Variants in SLC17A9 observed in about 807,000 individuals in gnomAD.
SLC17A9 encodes voltage-gated purine nucleotide uniporter SLC17A9.
SLC17A9 carries 49 observed loss-of-function variants against 55.0 expected under a neutral mutation model. The observed-to-expected ratio is 0.89, with a 90% CI of 0.71 to 1.13. The LOEUF (loss-of-function observed/expected upper bound fraction) is 1.13, where lower values mean the gene tolerates loss of function less well. SLC17A9 is among the 50% of genes most tolerant of loss of function. SLC17A9 has a pLI of 0.00. For synonymous variants in SLC17A9, 256 were observed against 247.4 expected (o/e 1.03, Z -0.32); for missense variants, 526 against 569.3 (o/e 0.92, Z 0.77).
chr20:62,954,023 TCCGC>T (rs2065513761), intron 1 of SLC17A9, among the ~76,000 whole-genome samples: 2 of 151,696 alleles, frequency 1.3e-5, no homozygotes, highest in African/African-American at 4.8e-5. Context: ...TTTGAGTGGC[TCCGC>T]CTTCACTACG....
intron 7 of SLC17A9, chr20:62,963,889 G>C: frequency 1.7e-6 from 1 of 601,808 alleles, no homozygotes; most frequent in East Asian, 2.8e-5. Context: ...GAAATGATGC[G>C]GGCGCTCGGT....
Position 62,952,809 on chromosome 20 carries a change from CCGT to C in SLC17A9, c.-20_-18del. On this transcript the variant is annotated 5_prime_UTR_variant, in exon 1 of 13. Coordinates refer to ENST00000370351, the MANE Select transcript of SLC17A9 (RefSeq NM_022082.4). ...GCCCCGGGACACAGCTGTGCCCACG[CCGT>C]CTGAGCACCCCAAGCCCGATGCAGC... The C allele has an allele frequency of 6.5e-7, 1 of 1,534,308 alleles. No individual in the cohort carries two copies. Among genetic ancestry groups the C allele is most frequent in the Non-Finnish European group, 8.7e-7 (1 of 1,145,024 alleles).
At position 62,967,641 on chromosome 20, in the gene SLC17A9, TAAG is replaced by T. The variant is rs952553373; in HGVS notation, c.*146_*148del. The T allele has an allele frequency of 3.9e-4, 129 of 334,562 alleles. No individual in the cohort carries two copies. Among genetic ancestry groups the T allele is most frequent in the African/African-American group, 3.0e-3 (122 of 40,504 alleles). 20.7% of individuals were successfully genotyped at this position (334,562 alleles called of 1,614,324 possible). A position where few individuals can be genotyped will look rare whatever the true frequency, so the allele number is the denominator to read the frequency against. On this transcript the variant is annotated 3_prime_UTR_variant, in exon 13 of 13. Coordinates refer to ENST00000370351, the MANE Select transcript of SLC17A9 (RefSeq NM_022082.4). ...AACCACTGTGGAGCCTGAAGCTCCT[TAAG>T]AAGAGTCCACAACAGCTGGTGGGAG...
Position 62,962,597 on chromosome 20 carries a change from C to A in SLC17A9, c.498-27C>A. 1 of 1,612,248 alleles carries A rather than the reference C, an allele frequency of 6.2e-7. No individual in the cohort carries two copies. On this transcript the variant is annotated intron_variant, in intron 4 of 12. Coordinates refer to ENST00000370351, the MANE Select transcript of SLC17A9 (RefSeq NM_022082.4). The surrounding 1 kb of genome is among the most constrained non-coding windows in gnomAD (Gnocchi z 5.5). ...CACCCGAGGGGTGCCGCTGAGGGGC[C>A]TGGCCACACTCCCCCTGTCTTTGCA...
chr20:62,964,680 C>T (rs2065619296), intron 8 of SLC17A9, among the ~76,000 whole-genome samples: 1 of 152,260 alleles, frequency 6.6e-6, no homozygotes, highest in South Asian at 2.1e-4. Flanking sequence ...GTGTTTCTTC[C>T]CCTAGTGCAG....
Position 62,966,570 on chromosome 20 carries a change from C to A in SLC17A9, c.1107C>A (p.Gly369=). Residue 369 remains glycine, a synonymous_variant, in exon 11 of 13, where the codon GGC becomes GGA. Transcript: ENST00000370351. ...NIQDLAPSCA[G]FLFGVANTAG... The stretch of plus-strand genomic sequence containing the variant: ...AGGACTTGGCCCCGTCCTGCGCCGG[C>A]TTTCTGTTTGGTGAGGACCTTGCCT... 1 of 1,600,144 alleles carries A rather than the reference C, an allele frequency of 6.2e-7. No homozygotes were observed. Among genetic ancestry groups the A allele is most frequent in the South Asian group, 1.1e-5 (1 of 90,190 alleles).
chr20:62,956,922 T>C lies in SLC17A9; in HGVS notation c.217T>C (p.Tyr73His), dbSNP rs1329434558. ...CGTGCTCAGCAGCTTCTTCTGGGGC[T>C]ACTGCCTGACACAGGTTGTGGGCGG... ...GIVLSSFFWG[Y>H]CLTQVVGGHL... Residue 73 changes from tyrosine (Y) to histidine (H), a missense_variant, in exon 2 of 13, where the codon TAC becomes CAC. Physicochemically the swap from Tyr to His is moderately conservative, Grantham distance 83. Coordinates refer to ENST00000370351, the MANE Select transcript of SLC17A9 (RefSeq NM_022082.4). 1 of 1,613,488 alleles carries C rather than the reference T, an allele frequency of 6.2e-7. No individual in the cohort carries two copies. The highest frequency in any genetic ancestry group is 1.1e-5 in the South Asian group (1 of 91,092).
intron 9 of SLC17A9, 58 bp from the exon 10 acceptor site, chr20:62,965,552 G>A: frequency 6.6e-7 from 1 of 1,516,240 alleles, no homozygotes; most frequent in East Asian, 2.3e-5. Context: ...TGAGTCAGGA[G>A]AGGGCCCTGC....
intron 4 of SLC17A9, among the ~76,000 whole-genome samples, 159 bp downstream of exon 4, chr20:62,960,762 G>A (rs1479963074): frequency 6.6e-6 from 1 of 152,270 alleles, no homozygotes; most frequent in South Asian, 2.1e-4. Context: ...GCCCGAGGCT[G>A]TGCTCTGCAG....
chr20:62,962,919 C>A lies in SLC17A9; in HGVS notation c.628+165C>A, dbSNP rs895020878. On this transcript the variant is annotated intron_variant, in intron 5 of 12. Coordinates refer to ENST00000370351, the MANE Select transcript of SLC17A9 (RefSeq NM_022082.4). This position sits in a 1 kb window ranked among gnomAD's most constrained non-coding sequence, Gnocchi z 5.5. ...AAGCGCTCGGGTGCTGAGCTGTCAGCGGCTCCGCCACCCAATTCGATCTGG... is the reference window on the plus strand; with the variant it reads ...AAGCGCTCGGGTGCTGAGCTGTCAGAGGCTCCGCCACCCAATTCGATCTGG... The A allele has an allele frequency of 1.4e-5, 14 of 992,344 alleles. No individual in the cohort carries two copies. The highest frequency in any genetic ancestry group is 2.0e-5 in the Non-Finnish European group (14 of 686,994). 61.5% of individuals were successfully genotyped at this position (992,344 alleles called of 1,614,324 possible).
chr20:62,956,200 G>T (rs1005444198), intron 1 of SLC17A9, among the ~76,000 whole-genome samples: 3 of 152,228 alleles, frequency 2.0e-5, no homozygotes, highest in African/African-American at 7.2e-5. Flanking sequence ...GCCCGACTTG[G>T]TGGTCTTTTC....
chr20:62,965,223 C>T, intron 9 of SLC17A9, 57 bp downstream of exon 9: 1 of 1,610,592 alleles, frequency 6.2e-7, no homozygotes, highest in East Asian at 2.2e-5. Context: ...TCAGGGTCTC[C>T]CAGGAACTCA....
chr20:62,967,607 A>G lies in SLC17A9; in HGVS notation c.*107A>G. The stretch of plus-strand genomic sequence containing the variant: ...CTCCATGTCAGACACACGAGCAGAG[A>G]GGAACACAAACCACTGTGGAGCCTG... On this transcript the variant is annotated 3_prime_UTR_variant, in exon 13 of 13. Coordinates refer to ENST00000370351, the MANE Select transcript of SLC17A9 (RefSeq NM_022082.4). 1 of 1,071,050 alleles carries G rather than the reference A, an allele frequency of 9.3e-7. No individual in the cohort carries two copies. Among genetic ancestry groups the G allele is most frequent in the Non-Finnish European group, 1.2e-6 (1 of 811,640 alleles). The allele number at this position is 1,071,050 out of a possible 1,614,324, so 66.3% of individuals were successfully genotyped here.
At chr20:62,961,723 CG>C (rs145316127) in intron 4 of SLC17A9, among the ~76,000 whole-genome samples, 3,757 of 152,250 alleles carry the variant, frequency 0.025, 151 homozygotes, top group African/African-American at 0.086. Flanking sequence ...TCACATAAAC[CG>C]GAGGGGATAT....
Position 62,962,507 on chromosome 20 carries a change from T to C in SLC17A9, c.498-117T>C, listed in dbSNP as rs766525446. ...TTCTGAGCTGCTCCTCTGGAGGCGA[T>C]GAAAACACCCTCTTCTCCAGGGGCT... On this transcript the variant is annotated intron_variant, in intron 4 of 12. Transcript: ENST00000370351. The surrounding 1 kb of genome is among the most constrained non-coding windows in gnomAD (Gnocchi z 5.5). 7.6e-5 allele frequency: 105 copies of C among 1,376,626 alleles called. No individual in the cohort carries two copies. The highest frequency in any genetic ancestry group is 9.7e-5 in the Non-Finnish European group (99 of 1,024,398). The allele number at this position is 1,376,626 out of a possible 1,614,324, so 85.3% of individuals were successfully genotyped here.
chr20:62,955,592 A>G (rs1254347618), intron 1 of SLC17A9, among the ~76,000 whole-genome samples: 1 of 152,126 alleles, frequency 6.6e-6, no homozygotes, highest in African/African-American at 2.4e-5. Context: ...GATTACAGGC[A>G]TAAGCCACCG....
intron 5 of SLC17A9, chr20:62,963,016 G>A: frequency 1.6e-6 from 1 of 638,966 alleles, no homozygotes; most frequent in Non-Finnish European, 2.7e-6. Context: ...GGGTGCAGGA[G>A]CAGCCGAGTC....
chr20:62,958,853 G>A lies in SLC17A9; in HGVS notation c.397+1273G>A, dbSNP rs990711858. Among the ~76,000 whole-genome samples the A allele has an allele frequency of 3.3e-5, 5 of 152,192 alleles. No homozygotes were observed. Among genetic ancestry groups the A allele is most frequent in the African/African-American group, 1.2e-4 (5 of 41,446 alleles). On this transcript the variant is annotated intron_variant, in intron 3 of 12. Coordinates refer to ENST00000370351, the MANE Select transcript of SLC17A9 (RefSeq NM_022082.4). The surrounding 1 kb of genome is among the most constrained non-coding windows in gnomAD (Gnocchi z 4.1). ...GAGGCCACTCTCATGGTCACGGGGT[G>A]TCACATGAGAACAAGGGCCCAGTGC...
intron 3 of SLC17A9, among the ~76,000 whole-genome samples, chr20:62,959,073 C>A (rs915853703): frequency 6.6e-6 from 1 of 152,116 alleles, no homozygotes; most frequent in Non-Finnish European, 1.5e-5. Context: ...GGAGGACAGG[C>A]CTGGCGGGGG....
Sources: allele counts gnomAD v4.1 joint callset (sites outside exome capture counted in the v4.1 genomes callset), GRCh38; gene constraint gnomAD v4.1.1; non-coding constraint Gnocchi (gnomAD v3.1); transcripts MANE v1.5; gene names NCBI Gene and HGNC (gene_info 2026-07-23, HGNC 2026-07-21).